Variants in APP observed in about 807,000 individuals in gnomAD.
The protein encoded by APP is amyloid beta precursor protein.
APP carries 31 observed loss-of-function variants against 101.4 expected under a neutral mutation model. That is an observed-to-expected ratio of 0.31 (90% CI 0.23 to 0.41). The LOEUF (loss-of-function observed/expected upper bound fraction) is 0.41, where lower values mean the gene tolerates loss of function less well. APP is among the 10% of genes least tolerant of loss of function. The pLI is 1.00. For synonymous variants in APP, 366 were observed against 364.4 expected, an observed-to-expected ratio of 1.00 and a Z score of -0.05; for missense variants, 839 against 1,003.7, an observed-to-expected ratio of 0.84 and a Z score of 2.22.
At chr21:26,087,505 A>G (rs148795729) in intron 3 of APP, among the ~76,000 whole-genome samples, 24 of 152,338 alleles carry the variant, frequency 1.6e-4, no homozygotes, top group African/African-American at 5.3e-4. Flanking sequence ...TTTTTGAATT[A>G]TGTACCTCCA....
At chr21:25,935,436 A>G (rs897985360) in intron 13 of APP, among the ~76,000 whole-genome samples, 7 of 152,196 alleles carry the variant, frequency 4.6e-5, no homozygotes, top group African/African-American at 1.7e-4. Flanking sequence ...GGCTCAAGAC[A>G]TGAGAAAATA....
chr21:26,109,452 G>A (rs2062262145), intron 2 of APP, among the ~76,000 whole-genome samples: 1 of 152,156 alleles, frequency 6.6e-6, no homozygotes, highest in Non-Finnish European at 1.5e-5. Context: ...GTGAACATGT[G>A]TCTTCTTCCC....
intron 11 of APP, 63 bp downstream of exon 11, chr21:25,975,007 G>T (rs2146571251): frequency 1.2e-6 from 2 of 1,606,888 alleles, no homozygotes; most frequent in East Asian, 2.2e-5. Context: ...CCAGTTCCCA[G>T]TGCCCCACCC....
At chr21:26,142,628 G>T (rs1569026580) in intron 1 of APP, among the ~76,000 whole-genome samples, 1 of 152,014 alleles carries the variant, frequency 6.6e-6, no homozygotes. Context: ...AAACTGCTGG[G>T]CCTGGTGGTG....
intron 6 of APP, among the ~76,000 whole-genome samples, chr21:26,018,245 C>G (rs2044188055): frequency 6.6e-6 from 1 of 152,176 alleles, no homozygotes; most frequent in South Asian, 2.1e-4. Flanking sequence ...GTAATGATGA[C>G]AATTTTCTTA....
intron 1 of APP, chr21:26,140,121 A>C (rs1208293938): frequency 6.9e-7 from 1 of 1,453,886 alleles, no homozygotes; most frequent in African/African-American, 1.4e-5. Context: ...ATACAGACTA[A>C]AAACAATGCC....
At chr21:26,062,230 AACACACAC>A (rs55971567) in intron 3 of APP, among the ~76,000 whole-genome samples, 18 of 145,036 alleles carry the variant, frequency 1.2e-4, no homozygotes, top group East Asian at 2.1e-4. Flanking sequence ...CAAACAAACA[AACACACAC>A]ACACACACAC....
chr21:25,964,713 G>C (rs2041722623), intron 11 of APP, among the ~76,000 whole-genome samples: 1 of 149,706 alleles, frequency 6.7e-6, no homozygotes, highest in Non-Finnish European at 1.5e-5. Flanking sequence ...CGATTCTCCT[G>C]CCTCAGCCTC....
At chr21:25,968,497 T>C (rs1376238922) in intron 11 of APP, among the ~76,000 whole-genome samples, 1 of 152,062 alleles carries the variant, frequency 6.6e-6, no homozygotes, top group East Asian at 1.9e-4. Flanking sequence ...CCTATATATG[T>C]ATGACTCTAA....
At chr21:26,011,602 A>G (rs1478224190) in intron 6 of APP, among the ~76,000 whole-genome samples, 4 of 152,150 alleles carry the variant, frequency 2.6e-5, no homozygotes, top group Non-Finnish European at 5.9e-5. Context: ...CATCAATAGT[A>G]CTAAGGTCCA....
At chr21:26,057,626 C>T (rs1187344558) in intron 3 of APP, among the ~76,000 whole-genome samples, 2 of 152,120 alleles carry the variant, frequency 1.3e-5, no homozygotes, top group Non-Finnish European at 2.9e-5. Flanking sequence ...AATCTGCTAG[C>T]TCTTTGGTGG....
chr21:26,045,861 A>G (rs1404471799), intron 5 of APP, among the ~76,000 whole-genome samples: 1 of 152,232 alleles, frequency 6.6e-6, no homozygotes, highest in Non-Finnish European at 1.5e-5. Flanking sequence ...CGATAAAGGC[A>G]TACCTGAGAC....
At chr21:26,079,733 T>A (rs1235944989) in intron 3 of APP, among the ~76,000 whole-genome samples, 1 of 152,214 alleles carries the variant, frequency 6.6e-6, no homozygotes, top group Non-Finnish European at 1.5e-5. Context: ...CCGTGTGAAA[T>A]TTAAATTATA....
intron 13 of APP, chr21:25,942,793 C>T (rs1466783876): frequency 6.6e-6 from 1 of 152,028 alleles, no homozygotes; most frequent in Non-Finnish European, 1.5e-5. Context: ...TAACATAAAT[C>T]TTACTGTTTT....
At chr21:25,948,564 T>C (rs1033648187) in intron 13 of APP, among the ~76,000 whole-genome samples, 2 of 133,600 alleles carry the variant, frequency 1.5e-5, no homozygotes, top group African/African-American at 2.5e-5. Flanking sequence ...TTTTATTAAT[T>C]TTGAATGCTA....
chr21:26,093,717 C>A (rs972350293), intron 2 of APP, among the ~76,000 whole-genome samples: 2 of 152,150 alleles, frequency 1.3e-5, no homozygotes, highest in Admixed American at 6.5e-5. Context: ...TTCCAGTTCC[C>A]ACCAGGAAAT....
chr21:25,986,709 A>C (rs1331892694), intron 8 of APP, among the ~76,000 whole-genome samples: 1 of 152,100 alleles, frequency 6.6e-6, no homozygotes, highest in East Asian at 1.9e-4. Flanking sequence ...TCAAACAAAC[A>C]AACAAACAAA....
At chr21:25,902,782 C>T (rs1875156352) in intron 15 of APP, among the ~76,000 whole-genome samples, 1 of 152,192 alleles carries the variant, frequency 6.6e-6, no homozygotes, top group South Asian at 2.1e-4. Context: ...TTCCAAATTC[C>T]ATCTCATGTT....
intron 17 of APP, among the ~76,000 whole-genome samples, chr21:25,887,290 G>C (rs1851168847): frequency 6.6e-6 from 1 of 152,102 alleles, no homozygotes; most frequent in Non-Finnish European, 1.5e-5. Context: ...TAAAACAGGA[G>C]CAAGGTGGTT....
Sources: allele counts gnomAD v4.1 joint callset (sites outside exome capture counted in the v4.1 genomes callset), GRCh38; gene constraint gnomAD v4.1.1; transcripts MANE v1.5; gene names NCBI Gene and HGNC (gene_info 2026-07-23, HGNC 2026-07-21).